The following KIAA0825 variants were observed in gnomAD, a reference collection of about 807,000 sequenced individuals.
KIAA0825 encodes the protein uncharacterized protein KIAA0825.
Under a neutral mutation model 147.6 loss-of-function variants are expected in KIAA0825, and 119 were observed. The ratio of observed to expected loss-of-function variants is 0.81; its 90% CI spans 0.69 to 0.94. KIAA0825 has a LOEUF of 0.94. Among genes scored for constraint, KIAA0825 ranks in the 40% least tolerant of loss-of-function variants. The pLI, the probability that KIAA0825 is intolerant of heterozygous loss-of-function variation, is 0.00. For missense variants in KIAA0825, 1,381 were observed against 1,472.7 expected, an observed-to-expected ratio of 0.94 and a Z score of 1.02; for synonymous variants, 470 against 518.1, an observed-to-expected ratio of 0.91 and a Z score of 1.26.
At chr5:94,484,994 G>A (rs1762883601) in intron 5 of KIAA0825, 64 bp from the exon 6 acceptor site, 1 of 1,129,316 alleles carries the variant, frequency 8.9e-7, no homozygotes, top group Admixed American at 3.3e-5. Context: ...ATATTAGAAT[G>A]ATCTGTGTGA....
At chr5:94,551,459 C>T (rs939338383) in intron 2 of KIAA0825, among the ~76,000 whole-genome samples, 6 of 152,056 alleles carry the variant, frequency 3.9e-5, no homozygotes, top group Non-Finnish European at 7.4e-5. Flanking sequence ...ATTCTAAAAA[C>T]GGCAAGAGAA....
chr5:94,171,951 A>G (rs1768658958), intron 20 of KIAA0825, among the ~76,000 whole-genome samples: 2 of 152,180 alleles, frequency 1.3e-5, no homozygotes, highest in African/African-American at 4.8e-5. Context: ...CAAAAAAGAT[A>G]CATGATAATG....
At chr5:94,311,706 C>G (rs544815395) in intron 20 of KIAA0825, among the ~76,000 whole-genome samples, 1 of 151,550 alleles carries the variant, frequency 6.6e-6, no homozygotes, top group Non-Finnish European at 1.5e-5. Flanking sequence ...ACTATTCACA[C>G]GAAAAGAAAA....
At chr5:94,502,018 G>T (rs933774065) in intron 5 of KIAA0825, among the ~76,000 whole-genome samples, 1 of 152,054 alleles carries the variant, frequency 6.6e-6, no homozygotes, top group African/African-American at 2.4e-5. Flanking sequence ...TGTGATATAA[G>T]TAAAAAAAAT....
At position 94,417,350 on chromosome 5, in the gene KIAA0825, G is replaced by A; in HGVS notation, c.2513C>T (p.Thr838Ile). ...LLKSSKQVSD[T>I]ENNLNQGPSL... Reference sequence around the variant, plus strand: ...GGGTCCTTGGTTCAGGTTATTTTCTGTGTCGGAAACTTGTTCTTGAAAGGT... The same window carrying A: ...GGGTCCTTGGTTCAGGTTATTTTCTATGTCGGAAACTTGTTCTTGAAAGGT... The change falls in exon 15 of 21, where the codon ACA (threonine) becomes ATA (isoleucine). Residue 838 changes from threonine to isoleucine, a missense_variant. Physicochemically the swap from Thr to Ile is moderately conservative, Grantham distance 89. Coordinates refer to ENST00000682413, the MANE Select transcript of KIAA0825 (RefSeq NM_001145678.3). 1 of 1,544,100 alleles carries A rather than the reference G, an allele frequency of 6.5e-7. No individual in the cohort carries two copies. The highest frequency in any genetic ancestry group is 8.8e-7 in the Non-Finnish European group (1 of 1,140,924).
chr5:94,262,471 A>G (rs1245270039), intron 20 of KIAA0825, among the ~76,000 whole-genome samples: 1 of 152,204 alleles, frequency 6.6e-6, no homozygotes, highest in East Asian at 1.9e-4. Flanking sequence ...TAGTATACCT[A>G]CACAAAGATA....
intron 20 of KIAA0825, among the ~76,000 whole-genome samples, chr5:94,348,379 T>TA (rs1783246573): frequency 6.6e-6 from 1 of 152,100 alleles, no homozygotes; most frequent in African/African-American, 2.4e-5. Context: ...GAAAGAATCT[T>TA]AAGAGCTATG....
intron 20 of KIAA0825, among the ~76,000 whole-genome samples, chr5:94,224,814 A>G (rs1432520958): frequency 6.6e-6 from 1 of 152,086 alleles, no homozygotes. Context: ...CTGATGGCTG[A>G]ATCTCCCTTT....
chr5:94,591,653 T>C (rs1205443567), intron 1 of KIAA0825, among the ~76,000 whole-genome samples: 1 of 152,234 alleles, frequency 6.6e-6, no homozygotes, highest in Non-Finnish European at 1.5e-5. Context: ...AGCGAAGGAC[T>C]ACTTGACTGA....
intron 3 of KIAA0825, among the ~76,000 whole-genome samples, chr5:94,532,520 C>T (rs974426108): frequency 3.9e-4 from 59 of 151,634 alleles, no homozygotes; most frequent in Admixed American, 6.6e-5. Context: ...CCTTTTCTTT[C>T]CTTTCCTCAT....
intron 20 of KIAA0825, among the ~76,000 whole-genome samples, chr5:94,273,417 T>C (rs1638354892): frequency 6.6e-6 from 1 of 152,168 alleles, no homozygotes; most frequent in Non-Finnish European, 1.5e-5. Context: ...ATTTTTATTT[T>C]AGATTCACAG....
intron 18 of KIAA0825, among the ~76,000 whole-genome samples, chr5:94,389,871 C>G (rs1749669073): frequency 6.6e-6 from 1 of 152,174 alleles, no homozygotes; most frequent in African/African-American, 2.4e-5. Flanking sequence ...AACATTATGC[C>G]TCTTACCTTG....
intron 20 of KIAA0825, among the ~76,000 whole-genome samples, chr5:94,336,934 A>G (rs934846739): frequency 1.3e-5 from 2 of 152,216 alleles, no homozygotes; most frequent in Admixed American, 6.5e-5. Context: ...TATGGATCAT[A>G]TGCTAGGCCA....
intron 20 of KIAA0825, among the ~76,000 whole-genome samples, chr5:94,219,138 G>A (rs574411896): frequency 6.9e-4 from 105 of 151,982 alleles, no homozygotes; most frequent in Non-Finnish European, 1.0e-3. Context: ...TACATTTATT[G>A]GCACTTTATT....
Position 94,470,069 on chromosome 5 carries a change from G to A in KIAA0825, c.1764C>T (p.Ile588=). 6.4e-7 allele frequency: 1 copy of A among 1,551,528 alleles called. No individual in the cohort carries two copies. The highest frequency in any genetic ancestry group is 1.2e-5 in the South Asian group (1 of 84,040). Residue 588 remains isoleucine (I), a synonymous_variant, in exon 10 of 21, where the codon ATC becomes ATT. Coordinates refer to ENST00000682413, the MANE Select transcript of KIAA0825 (RefSeq NM_001145678.3). Reference sequence around the variant, plus strand: ...TCGTAACCTGAAACTGTAGAGTGTTGATGAATTCCTGATATCGTTGGACAA... The same window carrying A: ...TCGTAACCTGAAACTGTAGAGTGTTAATGAATTCCTGATATCGTTGGACAA... ...LVLVQRYQEF[I]NTLQFQVTNY...
chr5:94,431,259 A>G (rs1755621436), intron 14 of KIAA0825, among the ~76,000 whole-genome samples: 1 of 152,246 alleles, frequency 6.6e-6, no homozygotes, highest in South Asian at 2.1e-4. Flanking sequence ...TAATAAGGTC[A>G]ATATTAGTAC....
intron 20 of KIAA0825, among the ~76,000 whole-genome samples, chr5:94,306,436 A>ATATAAAAT (rs2150188482): frequency 6.6e-6 from 1 of 152,004 alleles, no homozygotes; most frequent in East Asian, 1.9e-4. Flanking sequence ...AGAAAAATCC[A>ATATAAAAT]GCACCATATT....
intron 3 of KIAA0825, among the ~76,000 whole-genome samples, chr5:94,532,519 TC>T (rs1771007874): frequency 6.6e-6 from 1 of 151,702 alleles, no homozygotes; most frequent in Non-Finnish European, 1.5e-5. Flanking sequence ...TCCTTTTCTT[TC>T]CTTTCCTCAT....
intron 5 of KIAA0825, among the ~76,000 whole-genome samples, chr5:94,514,837 T>G (rs77229445): frequency 6.6e-6 from 1 of 152,150 alleles, no homozygotes; most frequent in Non-Finnish European, 1.5e-5. Context: ...AATGATCTTT[T>G]CATTCCTTGA....
Sources: gnomAD v4.1 joint callset for allele counts (sites outside exome capture counted in the v4.1 genomes callset) on GRCh38, gnomAD v4.1.1 for gene constraint, MANE v1.5 for transcripts, NCBI Gene and HGNC (gene_info 2026-07-23, HGNC 2026-07-21) for gene names.